The following PCDH15 variants were observed in gnomAD, a reference collection of about 807,000 sequenced individuals.
PCDH15 encodes protocadherin-15.
Under a neutral mutation model 178.5 loss-of-function variants are expected in PCDH15, and 129 were observed. The ratio of observed to expected loss-of-function variants is 0.72; its 90% CI spans 0.63 to 0.84. The LOEUF (loss-of-function observed/expected upper bound fraction) is 0.84, where lower values mean the gene tolerates loss of function less well. Ranked by LOEUF, PCDH15 falls within the 40% of genes least tolerant of loss-of-function variation. PCDH15 has a pLI of 0.00. For synonymous variants in PCDH15, 800 were observed against 732.0 expected (o/e 1.09, Z -1.50); for missense variants, 2,230 against 2,099.9 (o/e 1.06, Z -1.21).
chr10:54,077,938 C>T (rs950578975), intron 17 of PCDH15, among the ~76,000 whole-genome samples: 1 of 152,132 alleles, frequency 6.6e-6, no homozygotes, highest in African/African-American at 2.4e-5. Flanking sequence ...TATCATATGC[C>T]TGTAATTCCA....
At position 53,832,047 on chromosome 10, in the gene PCDH15, TG is replaced by T. The variant is rs1389048681; in HGVS notation, c.3984-515del. On this transcript the variant is annotated intron_variant, in intron 29 of 37. Transcript: ENST00000644397. ...AGATTTCAGACTCAAACTCTGTATT[TG>T]TTTGCCATAACACCATCTTAAAAGT... Among the ~76,000 whole-genome samples, 105 of 151,524 alleles carry T rather than the reference TG, an allele frequency of 6.9e-4. 2 individuals carry two copies. The highest frequency in any genetic ancestry group is 2.5e-3 in the African/African-American group (103 of 40,842).
chr10:54,779,481 T>TATATGTGTGTATATATACACAG (rs1566222419), intron 1 of PCDH15, among the ~76,000 whole-genome samples: 10 of 74,270 alleles, frequency 1.3e-4, no homozygotes, highest in African/African-American at 5.5e-4. Context: ...TATACACACA[T>TATATGTGTGTATATATACACAG]ATATATGTAT....
At chr10:54,436,051 A>AG in intron 3 of PCDH15, among the ~76,000 whole-genome samples, 1 of 138,532 alleles carries the variant, frequency 7.2e-6, no homozygotes, top group Admixed American at 7.0e-5. Context: ...AGAGAGAGAG[A>AG]AAAGAAAGAA....
chr10:53,905,726 G>T (rs1055981379), intron 25 of PCDH15, among the ~76,000 whole-genome samples: 1 of 152,188 alleles, frequency 6.6e-6, no homozygotes, highest in Admixed American at 6.5e-5. Context: ...ATACCAAATT[G>T]TTCCTATGAA....
At chr10:54,820,927 T>C (rs530741992) in intron 3 of PCDH15, among the ~76,000 whole-genome samples, 23 of 152,094 alleles carry the variant, frequency 1.5e-4, no homozygotes, top group Non-Finnish European at 3.2e-4. Context: ...ATTTTGCTTA[T>C]GTATCTTAGC....
At chr10:54,939,110 A>G (rs1345532135) in intron 2 of PCDH15, among the ~76,000 whole-genome samples, 4 of 152,174 alleles carry the variant, frequency 2.6e-5, no homozygotes, top group Non-Finnish European at 5.9e-5. Context: ...GCAGCAATAT[A>G]AAATAAACAC....
In PCDH15 at chr10:54,020,395, C is replaced by T; in HGVS notation, c.2548G>A (p.Ala850Thr). 5 of 1,613,670 alleles carry T rather than the reference C, an allele frequency of 3.1e-6. No individual in the cohort carries two copies. In the East Asian group the frequency reaches 1.1e-4, roughly 36 times the overall value. ...CTTCTTATCCGGTAAGACACATTTG[C>T]TCCAAGGTCGACATCTTTGGCCTGT... ...QIEAKDVDLG[A>T]NVSYRIRSPE... The change falls in exon 20 of 38, where the codon GCA (alanine) becomes ACA (threonine). Residue 850 changes from alanine to threonine, a missense_variant. Coordinates refer to ENST00000644397, the MANE Select transcript of PCDH15 (RefSeq NM_001384140.1).
At chr10:54,835,881 T>C (rs1953307868) in intron 3 of PCDH15, among the ~76,000 whole-genome samples, 2 of 152,276 alleles carry the variant, frequency 1.3e-5, no homozygotes, top group South Asian at 4.1e-4. Context: ...AAAGATACGG[T>C]ATTTTTTTAA....
chr10:54,653,577 G>T (rs115472155), intron 2 of PCDH15, among the ~76,000 whole-genome samples: 3,051 of 152,242 alleles, frequency 0.02, 110 homozygotes, highest in African/African-American at 0.068. Flanking sequence ...AAACTGGATT[G>T]GGATCAAAAC....
chr10:53,814,173 G>A (rs1334630327), intron 35 of PCDH15, among the ~76,000 whole-genome samples: 1 of 152,064 alleles, frequency 6.6e-6, no homozygotes, highest in African/African-American at 2.4e-5. Flanking sequence ...ATAGGTCTCA[G>A]AACTAATATT....
chr10:54,909,980 C>A (rs987081242), intron 2 of PCDH15, among the ~76,000 whole-genome samples: 6 of 152,132 alleles, frequency 3.9e-5, no homozygotes, highest in Non-Finnish European at 8.8e-5. Flanking sequence ...GTGGTGCCTT[C>A]AGCTGGGTGC....
intron 3 of PCDH15, among the ~76,000 whole-genome samples, chr10:54,848,382 C>CAAAAA (rs34830502): frequency 1.2e-5 from 1 of 85,180 alleles, no homozygotes; most frequent in African/African-American, 4.6e-5. Flanking sequence ...AACTCCATCT[C>CAAAAA]AAAAAAAAAA....
At chr10:54,339,794 C>T (rs1935475) in intron 6 of PCDH15, among the ~76,000 whole-genome samples, 10,696 of 152,168 alleles carry the variant, frequency 0.07, 491 homozygotes, top group African/African-American at 0.12. Flanking sequence ...CATCCTGCAC[C>T]ACCCCTTAGG....
At chr10:54,136,183 T>C (rs562360558) in intron 14 of PCDH15, among the ~76,000 whole-genome samples, 13 of 152,272 alleles carry the variant, frequency 8.5e-5, no homozygotes, top group African/African-American at 2.4e-4. Context: ...TGTATCATAA[T>C]CTTTAGGGTA....
At chr10:54,353,663 T>C (rs1354140448) in intron 5 of PCDH15, among the ~76,000 whole-genome samples, 1 of 152,112 alleles carries the variant, frequency 6.6e-6, no homozygotes, top group East Asian at 1.9e-4. Context: ...TTTTTTTGTT[T>C]GTCCTTGGTC....
At position 55,278,652 on chromosome 10, in the gene PCDH15, T is replaced by C. The variant is rs574457796; in HGVS notation, c.-156+40947A>G. On this transcript the variant is annotated intron_variant, in intron 1 of 5. Transcript: ENST00000458638. ...CTAAATAGTAATTAAGATAATTCAT[T>C]TAACCAGAATCAGTAAGAATTTATA... Among the ~76,000 whole-genome samples, 316 of 152,326 alleles carry C rather than the reference T, an allele frequency of 2.1e-3. 1 individual carries two copies. The highest frequency in any genetic ancestry group is 7.4e-3 in the African/African-American group (308 of 41,578).
intron 1 of PCDH15, among the ~76,000 whole-genome samples, chr10:54,784,646 C>T (rs1950674772): frequency 6.7e-6 from 1 of 149,480 alleles, no homozygotes; most frequent in Admixed American, 6.6e-5. Context: ...TGATATCTAA[C>T]ATCATGAAAT....
chr10:53,970,785 A>G (rs952282918), intron 21 of PCDH15, among the ~76,000 whole-genome samples: 2 of 152,162 alleles, frequency 1.3e-5, no homozygotes, highest in African/African-American at 4.8e-5. Flanking sequence ...TCTGAAATTG[A>G]GGCAATAATT....
chr10:54,002,184 C>G (rs552667245), intron 20 of PCDH15, among the ~76,000 whole-genome samples: 2 of 151,388 alleles, frequency 1.3e-5, no homozygotes, highest in Non-Finnish European at 2.9e-5. Flanking sequence ...TTGGAGAGCT[C>G]AAATATATAA....
Sources: gnomAD v4.1 joint callset for allele counts (sites outside exome capture counted in the v4.1 genomes callset) on GRCh38, gnomAD v4.1.1 for gene constraint, MANE v1.5 for transcripts, NCBI Gene and HGNC (gene_info 2026-07-23, HGNC 2026-07-21) for gene names.